CAND2: variants seen among roughly 807,000 people sequenced by gnomAD.
CAND2 encodes the protein cullin-associated NEDD8-dissociated protein 2.
CAND2 carries 62 observed loss-of-function variants against 98.9 expected under a neutral mutation model. The ratio of observed to expected loss-of-function variants is 0.63; its 90% CI spans 0.51 to 0.77. The LOEUF is 0.77. Ranked by LOEUF, CAND2 falls within the 30% of genes least tolerant of loss-of-function variation. CAND2 has a pLI of 0.00. For synonymous variants in CAND2, 770 were observed against 731.9 expected (o/e 1.05, Z -0.84); for missense variants, 1,501 against 1,655.2 (o/e 0.91, Z 1.62).
chr3:12,797,484 C>T (rs752397057), intron 1 of CAND2, among the ~76,000 whole-genome samples: 23 of 151,978 alleles, frequency 1.5e-4, no homozygotes, highest in Non-Finnish European at 3.2e-4. Flanking sequence ...GTGCCACTCT[C>T]CTTCCCCACT....
At chr3:12,807,532 C>CA (rs59302336) in intron 3 of CAND2, 72 bp downstream of exon 3, 539,628 of 1,147,988 alleles carry the variant, frequency 0.47, 83,423 homozygotes, top group Non-Finnish European at 0.5. Context: ...AACGAAAAAA[C>CA]AAAAAAAAAA....
rs73139899 is a variant in CAND2 at position 12,830,814 on chromosome 3, T to C, written c.3376-651T>C. 2.8e-3 allele frequency among the ~76,000 whole-genome samples: 431 copies of C among 152,292 alleles called. 5 individuals are homozygous for C. The highest frequency in any genetic ancestry group is 0.01 in the African/African-American group (417 of 41,570). ...TCCTGAAGTCCAGCACCGCTGCTCCTTGCTGCCGTGGGCTGGGCCTCCTCC... is the reference window on the plus strand; with the variant it reads ...TCCTGAAGTCCAGCACCGCTGCTCCCTGCTGCCGTGGGCTGGGCCTCCTCC... On this transcript the variant is annotated intron_variant, in intron 13 of 14. Coordinates refer to ENST00000456430, the MANE Select transcript of CAND2 (RefSeq NM_001162499.2).
At chr3:12,816,068 A>C in intron 9 of CAND2, 60 bp downstream of exon 9, 1 of 1,532,326 alleles carries the variant, frequency 6.5e-7, no homozygotes, top group African/African-American at 1.4e-5. Flanking sequence ...CCCAGACCCC[A>C]CCCCTGAGTT....
chr3:12,814,365 C>G (rs1484950336), intron 7 of CAND2, among the ~76,000 whole-genome samples: 3 of 152,228 alleles, frequency 2.0e-5, no homozygotes, highest in Non-Finnish European at 4.4e-5. Context: ...TGAATCTCAG[C>G]TCTGCTGTTC....
chr3:12,809,863 C>A, intron 4 of CAND2, 196 bp from the exon 5 acceptor site: 1 of 620,010 alleles, frequency 1.6e-6, no homozygotes, highest in Non-Finnish European at 2.5e-6. Context: ...AAGTCCCTTT[C>A]TCTCTCCGCT....
In CAND2 at chr3:12,817,338, C is replaced by G. The variant is rs759049745; in HGVS notation, c.2406C>G (p.His802Gln). 1.2e-6 allele frequency: 2 copies of G among 1,613,968 alleles called. No homozygotes were observed. The highest frequency in any genetic ancestry group is 1.7e-6 in the Non-Finnish European group (2 of 1,180,036). Residue 802 changes from histidine (H) to glutamine (Q), a missense_variant, in exon 10 of 15, where the codon CAC becomes CAG. Physicochemically the swap from His to Gln is conservative, Grantham distance 24 (BLOSUM62 0). Transcript: ENST00000456430. ...GGPGLHKQVF[H>Q]SLARCVAALS... is the part of the protein sequence containing the mutation. Reference sequence around the variant, plus strand: ...CTGGCCTGCACAAGCAGGTGTTCCACTCATTGGCCCGGTGTGTGGCAGCCC... The same window carrying G: ...CTGGCCTGCACAAGCAGGTGTTCCAGTCATTGGCCCGGTGTGTGGCAGCCC...
chr3:12,815,950 C>T lies in CAND2; in HGVS notation c.1383C>T (p.Thr461=), dbSNP rs1210735426. 15 of 1,613,820 alleles carry T rather than the reference C, an allele frequency of 9.3e-6. No homozygotes were observed. In the East Asian group the frequency reaches 2.2e-4, roughly 24 times the overall value. Residue 461 remains threonine (T), a synonymous_variant, in exon 9 of 15, where the codon ACC becomes ACT. Coordinates refer to ENST00000456430, the MANE Select transcript of CAND2 (RefSeq NM_001162499.2). This position sits in a 1 kb window ranked among gnomAD's most constrained non-coding sequence, Gnocchi z 5.7. ...RARQGCFSLL[T]ELAGVLPGSL... ...GCCAGGGATGCTTCAGCCTCCTCAC[C>T]GAGCTGGCGGGTGTCCTCCCAGGCA...
At chr3:12,833,106 C>G (rs1356557761) in intron 14 of CAND2, among the ~76,000 whole-genome samples, 1 of 152,184 alleles carries the variant, frequency 6.6e-6, no homozygotes, top group Non-Finnish European at 1.5e-5. Context: ...ACTCCAATGC[C>G]AAGCTGTTAC....
intron 5 of CAND2, among the ~76,000 whole-genome samples, chr3:12,811,128 G>GA (rs2061848817): frequency 6.6e-6 from 1 of 152,106 alleles, no homozygotes; most frequent in African/African-American, 2.4e-5. Context: ...GGGGGGTGGG[G>GA]GGGGGAACCC....
In CAND2 at chr3:12,816,783, C is replaced by T. The variant is rs3732676; in HGVS notation, c.1851C>T (p.Leu617=). ...ACCTGGAGCCCACGTTACTGCTCCT[C>T]CTGGACCGCCTGCGGAATGAGATCA... The part of the protein sequence containing the change: ...GDDLEPTLLL[L]LDRLRNEITR... The change falls in exon 10 of 15, where the codon CTC becomes CTT. Residue 617 remains leucine (L), a synonymous_variant. Coordinates refer to ENST00000456430, the MANE Select transcript of CAND2 (RefSeq NM_001162499.2). 2,275 of 1,613,586 alleles carry T rather than the reference C, an allele frequency of 1.4e-3. 27 individuals are homozygous for T. The East Asian group carries it at 0.019, about 14-fold the overall frequency.
rs774399301 is a variant in CAND2, at chr3:12,827,578, G to A, written c.3349G>A (p.Gly1117Arg). 30 of 1,612,852 alleles carry A rather than the reference G, an allele frequency of 1.9e-5. No individual in the cohort carries two copies. Among genetic ancestry groups the A allele is most frequent in the Non-Finnish European group, 2.4e-5 (28 of 1,179,336 alleles). ...TGAGTTCCTGAACCATGTGGAGGAC[G>A]GGCTGAAGGACCACTACGACATCCG... ...ICEFLNHVEDGLKDHYDIRML... is the reference protein window; with the variant it reads ...ICEFLNHVEDRLKDHYDIRML... Residue 1117 changes from glycine (G) to arginine (R), a missense_variant, in exon 13 of 15, where the codon GGG (glycine) becomes AGG (arginine). Physicochemically the swap from Gly to Arg is moderately radical, Grantham distance 125. Around this residue, in one of 3 missense-constraint regions of CAND2, gnomAD observed 1,427 missense variants for 1,545.3 expected, o/e 0.92. Coordinates refer to ENST00000456430, the MANE Select transcript of CAND2 (RefSeq NM_001162499.2).
chr3:12,821,189 G>C (rs1417625284), intron 11 of CAND2, among the ~76,000 whole-genome samples: 1 of 150,708 alleles, frequency 6.6e-6, no homozygotes, highest in Admixed American at 6.6e-5. Flanking sequence ...AGCGGAGATT[G>C]CACCACTGCA....
rs200382977 is a variant in CAND2, at chr3:12,816,929, G to A, written c.1997G>A (p.Arg666Gln). 2.5e-4 allele frequency: 403 copies of A among 1,613,552 alleles called. No individual in the cohort carries two copies. Among genetic ancestry groups the A allele is most frequent in the Non-Finnish European group, 3.1e-4 (368 of 1,179,976 alleles). Residue 666 changes from arginine to glutamine, a missense_variant, in exon 10 of 15, where the codon CGG (arginine) becomes CAG (glutamine). Physicochemically the swap from Arg to Gln is conservative, Grantham distance 43. Coordinates refer to ENST00000456430, the MANE Select transcript of CAND2 (RefSeq NM_001162499.2). Reference protein sequence around the residue: ...ILASFLRKNQRALRLATLAAL... With the variant: ...ILASFLRKNQQALRLATLAAL... ...GCCTCATTCCTGCGGAAGAACCAGC[G>A]GGCTTTGCGACTGGCCACACTGGCA...
chr3:12,817,867 C>G lies in CAND2; in HGVS notation c.2935C>G (p.Leu979Val). The part of the protein sequence containing the change: ...SFLLPRLRKQ[L>V]AAGRPHTRST... ...CCTTCTGCCCCGCTTGCGGAAGCAG[C>G]TTGCTGCAGGTAGGCACACAGGTGT... is the stretch of plus-strand genomic sequence containing the variant. The change falls in exon 10 of 15, where the codon CTT (leucine) becomes GTT (valine). Residue 979 changes from leucine (L) to valine (V), a missense_variant. Leu to Val is a conservative substitution (Grantham distance 32, BLOSUM62 1). Around this residue, in one of 3 missense-constraint regions of CAND2, gnomAD observed 1,427 missense variants for 1,545.3 expected, o/e 0.92. Coordinates refer to ENST00000456430, the MANE Select transcript of CAND2 (RefSeq NM_001162499.2). The G allele has an allele frequency of 6.6e-7, 1 of 1,505,926 alleles. No individual in the cohort carries two copies. The highest frequency in any genetic ancestry group is 1.4e-5 in the African/African-American group (1 of 71,568). 93.3% of individuals were successfully genotyped at this position (1,505,926 alleles called of 1,614,324 possible).
At chr3:12,813,704 C>G (rs1288931350) in intron 7 of CAND2, among the ~76,000 whole-genome samples, 1 of 152,208 alleles carries the variant, frequency 6.6e-6, no homozygotes, top group Non-Finnish European at 1.5e-5. Flanking sequence ...ATTGGCATAG[C>G]TGGGCCTTAG....
chr3:12,814,413 C>CT (rs1469465062), intron 7 of CAND2, among the ~76,000 whole-genome samples: 26 of 152,308 alleles, frequency 1.7e-4, no homozygotes, highest in Admixed American at 1.7e-3. Flanking sequence ...CGCTCTGAGT[C>CT]TTAGTCTTAT....
chr3:12,820,034 C>G, intron 10 of CAND2, 52 bp from the exon 11 acceptor site: 1 of 1,423,486 alleles, frequency 7.0e-7, no homozygotes, highest in South Asian at 1.2e-5. Flanking sequence ...GATCTGTGAG[C>G]CTCCAGGATT....
In CAND2 at chr3:12,833,874, C is replaced by A; in HGVS notation, c.3603C>A (p.Ala1201=). ...AGGTGGGGAAAAGCCCCATCATGGC[C>A]GACTTCTCTTCCCAAATCAGATCCA... The part of the protein sequence containing the change: ...IPEVGKSPIM[A]DFSSQIRSNP... The change falls in exon 15 of 15, where the codon GCC becomes GCA. Residue 1201 remains alanine, a synonymous_variant. Transcript: ENST00000456430. 1 of 1,614,186 alleles carries A rather than the reference C, an allele frequency of 6.2e-7. No individual in the cohort carries two copies. The highest frequency in any genetic ancestry group is 8.5e-7 in the Non-Finnish European group (1 of 1,180,030).
chr3:12,832,991 C>A (rs962131140), intron 14 of CAND2, among the ~76,000 whole-genome samples: 2 of 152,162 alleles, frequency 1.3e-5, no homozygotes, highest in South Asian at 2.1e-4. Context: ...GCAACTCTTA[C>A]GACGAGGCAG....
Sources: gnomAD v4.1 joint callset for allele counts (sites outside exome capture counted in the v4.1 genomes callset) on GRCh38, gnomAD v4.1.1 for gene constraint, gnomAD v4.1.1 regional missense constraint, Gnocchi (gnomAD v3.1) non-coding constraint, MANE v1.5 for transcripts, NCBI Gene and HGNC (gene_info 2026-07-23, HGNC 2026-07-21) for gene names.